Variants in SCAPER observed in about 807,000 individuals in gnomAD.
SCAPER encodes S phase cyclin A-associated protein in the endoplasmic reticulum.
Under a neutral mutation model 182.2 loss-of-function variants are expected in SCAPER, and 98 were observed. The observed-to-expected ratio is 0.54, with a 90% CI of 0.46 to 0.64. SCAPER has a LOEUF of 0.64. Ranked by LOEUF, SCAPER falls within the 30% of genes least tolerant of loss-of-function variation. The pLI, the probability that SCAPER is intolerant of heterozygous loss-of-function variation, is 0.00. For missense variants in SCAPER, 1,432 were observed against 1,690.0 expected (o/e 0.85, Z 2.68); for synonymous variants, 605 against 564.6 (o/e 1.07, Z -1.01).
At chr15:76,422,053 C>T (rs200121870) in intron 26 of SCAPER, among the ~76,000 whole-genome samples, 15,973 of 152,082 alleles carry the variant, frequency 0.11, 1,016 homozygotes, top group African/African-American at 0.18. Flanking sequence ...AGTCAGGTAG[C>T]GTGATGCCTC....
chr15:76,850,859 C>CAAAAAAAAAAAAAAAAAAAAA (rs59202490), intron 4 of SCAPER, among the ~76,000 whole-genome samples: 1 of 90,054 alleles, frequency 1.1e-5, no homozygotes. Context: ...GACTCTGTCT[C>CAAAAAAAAAAAAAAAAAAAAA]AAAAAAAAAA....
chr15:76,371,694 G>A (rs1009357977), intron 29 of SCAPER, among the ~76,000 whole-genome samples: 4 of 151,324 alleles, frequency 2.6e-5, no homozygotes, highest in Admixed American at 2.0e-4. Context: ...CGAGGTGGGT[G>A]GATCACCTGA....
At position 76,767,009 on chromosome 15, in the gene SCAPER, G is replaced by A; in HGVS notation, c.1328C>T (p.Ala443Val). Residue 443 changes from alanine to valine, a missense_variant, in exon 11 of 32, where the codon GCT becomes GTT. Around this residue, in one of 5 missense-constraint regions of SCAPER, gnomAD observed 18 missense variants for 46.0 expected, o/e 0.39. Transcript: ENST00000563290. ...AGTTAACTGTTCTTCTTCAGCAATAGCACTAGCAATGGCTTCTTCATTGGC... is the reference window on the plus strand; with the variant it reads ...AGTTAACTGTTCTTCTTCAGCAATAACACTAGCAATGGCTTCTTCATTGGC... Reference protein sequence around the residue: ...EKANEEAIASAIAEEEQLTRE... With the variant: ...EKANEEAIASVIAEEEQLTRE... The A allele has an allele frequency of 6.2e-7, 1 of 1,606,572 alleles. No individual in the cohort carries two copies. The highest frequency in any genetic ancestry group is 8.5e-7 in the Non-Finnish European group (1 of 1,175,884).
intron 24 of SCAPER, among the ~76,000 whole-genome samples, chr15:76,496,171 T>G (rs1230824667): frequency 6.6e-6 from 1 of 152,020 alleles, no homozygotes; most frequent in Non-Finnish European, 1.5e-5. Context: ...AATAGGCAAC[T>G]GGCTTCTAAT....
intron 14 of SCAPER, among the ~76,000 whole-genome samples, chr15:76,755,699 T>C (rs188664326): frequency 8.5e-5 from 13 of 152,346 alleles, no homozygotes; most frequent in African/African-American, 3.1e-4. Flanking sequence ...AGTGATGTTA[T>C]AAAACTCAGC....
At chr15:76,580,970 T>A (rs1467455843) in intron 22 of SCAPER, among the ~76,000 whole-genome samples, 1 of 152,062 alleles carries the variant, frequency 6.6e-6, no homozygotes, top group Non-Finnish European at 1.5e-5. Context: ...GGAGACATTA[T>A]AACCAATACC....
At chr15:76,770,431 C>G (rs987435716) in intron 10 of SCAPER, among the ~76,000 whole-genome samples, 1 of 151,988 alleles carries the variant, frequency 6.6e-6, no homozygotes, top group African/African-American at 2.4e-5. Context: ...CACTTGGGAA[C>G]TAAACAATAA....
chr15:76,779,637 A>G (rs1389789554), intron 8 of SCAPER, among the ~76,000 whole-genome samples: 1 of 152,126 alleles, frequency 6.6e-6, no homozygotes, highest in African/African-American at 2.4e-5. Flanking sequence ...CACTAGTTCT[A>G]TGCAAGCTAT....
chr15:76,524,987 A>T (rs1166648605), intron 23 of SCAPER, among the ~76,000 whole-genome samples: 1 of 152,084 alleles, frequency 6.6e-6, no homozygotes, highest in Non-Finnish European at 1.5e-5. Context: ...GATTTTCTGT[A>T]TGTATACCTA....
intron 24 of SCAPER, among the ~76,000 whole-genome samples, chr15:76,476,447 G>C (rs1223204801): frequency 6.6e-6 from 1 of 151,524 alleles, no homozygotes; most frequent in Non-Finnish European, 1.5e-5. Context: ...TTTGAGACAG[G>C]GTACAGGGTG....
At chr15:76,778,077 T>C (rs1177239009) in intron 8 of SCAPER, among the ~76,000 whole-genome samples, 2 of 152,198 alleles carry the variant, frequency 1.3e-5, no homozygotes, top group Non-Finnish European at 1.5e-5. Flanking sequence ...ACTCAAAATA[T>C]AGTTTCTATT....
intron 23 of SCAPER, among the ~76,000 whole-genome samples, chr15:76,559,068 T>C (rs1163857280): frequency 6.6e-6 from 1 of 151,960 alleles, no homozygotes; most frequent in East Asian, 1.9e-4. Flanking sequence ...GGAGCCTCGC[T>C]CTGTTGCCCA....
intron 8 of SCAPER, among the ~76,000 whole-genome samples, chr15:76,789,742 T>C (rs1197235306): frequency 6.6e-6 from 1 of 152,192 alleles, no homozygotes; most frequent in Non-Finnish European, 1.5e-5. Flanking sequence ...TACACAAAAC[T>C]AAAAATTACA....
At chr15:76,488,475 A>G (rs930292985) in intron 24 of SCAPER, among the ~76,000 whole-genome samples, 2 of 152,082 alleles carry the variant, frequency 1.3e-5, no homozygotes, top group African/African-American at 4.8e-5. Context: ...TTTTTTTGTC[A>G]CTAAACTAGT....
At chr15:76,826,330 C>T (rs1181252457) in intron 5 of SCAPER, among the ~76,000 whole-genome samples, 1 of 146,348 alleles carries the variant, frequency 6.8e-6, no homozygotes, top group Non-Finnish European at 1.5e-5. Flanking sequence ...CCAAACACCG[C>T]ATATTCTCAC....
In SCAPER at chr15:76,627,200, G is replaced by A. The variant is rs541597035; in HGVS notation, c.2646-5371C>T. ...TGCTCCATTTTATTTTTTATTAGCT[G>A]TTTTGCTAACAAATCTTCTTGTTTT... On this transcript the variant is annotated intron_variant, in intron 21 of 31. Transcript: ENST00000563290. Among the ~76,000 whole-genome samples the A allele has an allele frequency of 1.2e-4, 18 of 151,600 alleles. 1 individual carries two copies. The highest frequency in any genetic ancestry group is 1.2e-3 in the Admixed American group (18 of 15,200).
chr15:76,763,947 TG>T (rs2062952747), intron 14 of SCAPER, among the ~76,000 whole-genome samples: 1 of 152,208 alleles, frequency 6.6e-6, no homozygotes, highest in Non-Finnish European at 1.5e-5. Context: ...AGGGACTTCA[TG>T]GATCTTCATT....
chr15:76,894,291 T>C (rs1283967961), intron 1 of SCAPER, among the ~76,000 whole-genome samples: 1 of 151,326 alleles, frequency 6.6e-6, no homozygotes, highest in Non-Finnish European at 1.5e-5. Flanking sequence ...CCTCACATGA[T>C]GTGAACACCT....
chr15:76,573,593 T>TG (rs2047604325), intron 23 of SCAPER, among the ~76,000 whole-genome samples: 1 of 152,132 alleles, frequency 6.6e-6, no homozygotes, highest in Non-Finnish European at 1.5e-5. Context: ...ATAAAATGTT[T>TG]GGAAGAAGAT....
Sources: allele counts gnomAD v4.1 joint callset (sites outside exome capture counted in the v4.1 genomes callset), GRCh38; gene constraint gnomAD v4.1.1; regional missense constraint gnomAD v4.1.1; transcripts MANE v1.5; gene names NCBI Gene and HGNC (gene_info 2026-07-23, HGNC 2026-07-21).